ARHGAP12: variants seen among roughly 807,000 people sequenced by gnomAD.
ARHGAP12 encodes rho GTPase-activating protein 12.
In ARHGAP12, 64 loss-of-function variants were observed where a neutral mutation model predicts 108.6. The ratio of observed to expected loss-of-function variants is 0.59; its 90% CI spans 0.48 to 0.73. The LOEUF (loss-of-function observed/expected upper bound fraction) is 0.73, where lower values mean the gene tolerates loss of function less well. ARHGAP12 is among the 30% of genes least tolerant of loss of function. The probability of loss-of-function intolerance (pLI) is 0.00; values close to 1 mark genes in which losing one functional copy is unlikely to be tolerated. For synonymous variants in ARHGAP12, 312 were observed against 337.2 expected (o/e 0.93, Z 0.82); for missense variants, 940 against 1,005.9 (o/e 0.93, Z 0.89).
At chr10:31,919,478 G>C (rs1363375564) in intron 1 of ARHGAP12, among the ~76,000 whole-genome samples, 1 of 152,178 alleles carries the variant, frequency 6.6e-6, no homozygotes, top group African/African-American at 2.4e-5. Flanking sequence ...TCCTCATGAA[G>C]CTCTTACAAA....
chr10:31,854,813 A>G (rs1836823954), intron 4 of ARHGAP12, among the ~76,000 whole-genome samples: 1 of 151,566 alleles, frequency 6.6e-6, no homozygotes, highest in African/African-American at 2.4e-5. Flanking sequence ...ATACAGAAAG[A>G]CAAATAAAAA....
At chr10:31,928,095 G>A (rs1344707476) in intron 1 of ARHGAP12, among the ~76,000 whole-genome samples, 3 of 152,172 alleles carry the variant, frequency 2.0e-5, no homozygotes, top group Admixed American at 6.5e-5. Flanking sequence ...TGGGCTCCCC[G>A]GGTGGGTGGA....
intron 15 of ARHGAP12, 43 bp from the exon 16 acceptor site, chr10:31,810,790 A>T (rs755521941): frequency 6.8e-7 from 1 of 1,461,314 alleles, no homozygotes; most frequent in South Asian, 1.2e-5. Flanking sequence ...CCTTGCTGAA[A>T]TTCAGTTCAT....
chr10:31,914,017 T>C (rs77829575), intron 1 of ARHGAP12, among the ~76,000 whole-genome samples: 2,009 of 152,272 alleles, frequency 0.013, 39 homozygotes, highest in African/African-American at 0.046. Context: ...GAGATGGTAG[T>C]TTCTTCATCT....
chr10:31,872,241 C>T (rs1837568362), intron 3 of ARHGAP12, among the ~76,000 whole-genome samples: 1 of 152,186 alleles, frequency 6.6e-6, no homozygotes, highest in South Asian at 2.1e-4. Context: ...TTATAGTCTC[C>T]TGGGAAATCG....
chr10:31,836,475 T>G (rs1836018834), intron 9 of ARHGAP12, among the ~76,000 whole-genome samples: 1 of 152,126 alleles, frequency 6.6e-6, no homozygotes, highest in African/African-American at 2.4e-5. Context: ...ATTTAAAAAT[T>G]AGAAAAGAAA....
chr10:31,868,706 C>T (rs116390097), intron 3 of ARHGAP12, among the ~76,000 whole-genome samples: 110 of 151,860 alleles, frequency 7.2e-4, no homozygotes, highest in African/African-American at 2.5e-3. Context: ...GAGGTTGAGG[C>T]GGGAAGATCA....
chr10:31,889,619 GTTTTTTTTTTTT>G (rs869116452), intron 3 of ARHGAP12, among the ~76,000 whole-genome samples: 3 of 66,420 alleles, frequency 4.5e-5, no homozygotes, highest in African/African-American at 6.4e-5. Context: ...AATTTTTCTC[GTTTTTTTTTTTT>G]TTTTTTTTTT....
At chr10:31,818,951 G>A (rs1041205401) in intron 12 of ARHGAP12, among the ~76,000 whole-genome samples, 4 of 152,028 alleles carry the variant, frequency 2.6e-5, no homozygotes, top group Non-Finnish European at 5.9e-5. Flanking sequence ...CTTTTCTAGT[G>A]TTGGTCAAGC....
At chr10:31,867,109 CTTTTTTTTGTTTTT>C (rs1249428619) in intron 3 of ARHGAP12, among the ~76,000 whole-genome samples, 2 of 147,164 alleles carry the variant, frequency 1.4e-5, no homozygotes, top group East Asian at 2.0e-4. Flanking sequence ...ACCTTGTTTT[CTTTTTTTTGTTTTT>C]TTTTTTTTTG....
intron 9 of ARHGAP12, among the ~76,000 whole-genome samples, chr10:31,837,317 A>C (rs1168149957): frequency 6.6e-6 from 1 of 152,226 alleles, no homozygotes; most frequent in Admixed American, 6.5e-5. Flanking sequence ...CACCAAAATA[A>C]TGTTCACTTT....
At chr10:31,841,636 G>A (rs985644903) in intron 7 of ARHGAP12, among the ~76,000 whole-genome samples, 1 of 152,162 alleles carries the variant, frequency 6.6e-6, no homozygotes, top group African/African-American at 2.4e-5. Context: ...TAAATGTTCA[G>A]AGCACATTTA....
chr10:31,814,415 T>C (rs1393494981), intron 13 of ARHGAP12, 54 bp from the exon 14 acceptor site: 3 of 1,373,252 alleles, frequency 2.2e-6, no homozygotes, highest in Non-Finnish European at 3.1e-6. Context: ...TTACTATAGT[T>C]GGAATGGCAT....
At chr10:31,918,333 A>ACACG (rs1482564190) in intron 1 of ARHGAP12, among the ~76,000 whole-genome samples, 8 of 151,236 alleles carry the variant, frequency 5.3e-5, no homozygotes, top group African/African-American at 1.9e-4. Context: ...ACACACACAC[A>ACACG]CACACACACA....
At chr10:31,860,439 T>C (rs1837072141) in intron 4 of ARHGAP12, among the ~76,000 whole-genome samples, 1 of 152,228 alleles carries the variant, frequency 6.6e-6, no homozygotes, top group African/African-American at 2.4e-5. Context: ...CAAGGCCTCT[T>C]GCCAGACTAC....
intron 9 of ARHGAP12, among the ~76,000 whole-genome samples, 172 bp downstream of exon 9, chr10:31,839,133 A>C (rs960925039): frequency 3.3e-5 from 5 of 152,204 alleles, no homozygotes; most frequent in Non-Finnish European, 7.3e-5. Flanking sequence ...ATTTCATCAG[A>C]GTTAAGACAG....
chr10:31,866,830 C>A (rs796677300), intron 3 of ARHGAP12, among the ~76,000 whole-genome samples: 70 of 152,158 alleles, frequency 4.6e-4, no homozygotes, highest in African/African-American at 1.5e-3. Context: ...TTGGGTCAGG[C>A]TGGTCTCAAA....
chr10:31,848,551 A>T (rs1308446309), intron 6 of ARHGAP12, among the ~76,000 whole-genome samples: 1 of 152,136 alleles, frequency 6.6e-6, no homozygotes, highest in African/African-American at 2.4e-5. Flanking sequence ...TTTCTTAACT[A>T]TGCTTTCATA....
chr10:31,864,466 C>T (rs1243978991), intron 3 of ARHGAP12, among the ~76,000 whole-genome samples: 7 of 152,172 alleles, frequency 4.6e-5, no homozygotes, highest in Admixed American at 4.6e-4. Context: ...CATAAACATG[C>T]TAATTCTCCA....
Sources: gnomAD v4.1 joint callset for allele counts (sites outside exome capture counted in the v4.1 genomes callset) on GRCh38, gnomAD v4.1.1 for gene constraint, MANE v1.5 for transcripts, NCBI Gene and HGNC (gene_info 2026-07-23, HGNC 2026-07-21) for gene names.